Variants in SSU72 observed in about 807,000 individuals in gnomAD.
The protein encoded by SSU72 is RNA polymerase II subunit A C-terminal domain phosphatase SSU72.
A neutral mutation model predicts 22.7 loss-of-function variants in SSU72; 12 were observed. That is an observed-to-expected ratio of 0.53 (90% CI 0.34 to 0.86). SSU72 has a LOEUF of 0.86. Ranked by LOEUF, SSU72 falls within the 40% of genes least tolerant of loss-of-function variation. The pLI is 0.02. For missense variants in SSU72, 151 were observed against 249.8 expected (o/e 0.60, Z 2.67); for synonymous variants, 116 against 98.3 (o/e 1.18, Z -1.06).
At position 1,566,083 on chromosome 1, in the gene SSU72, C is replaced by T. The variant is rs964330157; in HGVS notation, c.81-1167G>A. 2.6e-5 allele frequency among the ~76,000 whole-genome samples: 4 copies of T among 150,964 alleles called. No individual in the cohort carries two copies. In the East Asian group the frequency reaches 8.0e-4, roughly 30 times the overall value. ...ACTAGCCTGGCCAGGAGGCGAAACC[C>T]CAGCTCCGTTTCTACTAAAAAAAAA... On this transcript the variant is annotated intron_variant, in intron 1 of 4. Coordinates refer to ENST00000291386, the MANE Select transcript of SSU72 (RefSeq NM_014188.3).
chr1:1,574,266 C>G (rs1456932364), intron 1 of SSU72, among the ~76,000 whole-genome samples: 1 of 152,026 alleles, frequency 6.6e-6, no homozygotes, highest in African/African-American at 2.4e-5. Context: ...GGACAGCGGG[C>G]GCCTCGTCCC....
intron 1 of SSU72, among the ~76,000 whole-genome samples, chr1:1,570,740 T>C (rs949650197): frequency 1.3e-5 from 2 of 152,250 alleles, no homozygotes; most frequent in Non-Finnish European, 2.9e-5. Context: ...CCCCGATGCA[T>C]GCGTGAACAC....
At chr1:1,544,061 C>T (rs528184515) in intron 3 of SSU72, 74 bp from the exon 4 acceptor site, 21 of 1,164,976 alleles carry the variant, frequency 1.8e-5, no homozygotes, top group South Asian at 1.7e-4. Context: ...GGCTGAGTCC[C>T]CAGCTCTGCC....
At chr1:1,565,862 A>T (rs1460760873) in intron 1 of SSU72, among the ~76,000 whole-genome samples, 1 of 152,232 alleles carries the variant, frequency 6.6e-6, no homozygotes, top group African/African-American at 2.4e-5. Context: ...GGAGAAAGAG[A>T]GGTCGTCTCC....
intron 1 of SSU72, among the ~76,000 whole-genome samples, chr1:1,573,934 A>G (rs1642771511): frequency 6.6e-6 from 1 of 152,068 alleles, no homozygotes; most frequent in Non-Finnish European, 1.5e-5. Flanking sequence ...AGCAGGGAAT[A>G]TAAACTAGCA....
At chr1:1,552,977 C>A (rs1642470628) in intron 2 of SSU72, among the ~76,000 whole-genome samples, 1 of 146,582 alleles carries the variant, frequency 6.8e-6, no homozygotes, top group South Asian at 2.1e-4. Flanking sequence ...GCCGAGATTG[C>A]GCCATTGCAC....
Position 1,554,242 on chromosome 1 carries a change from G to A in SSU72, c.225-9240C>T, listed in dbSNP as rs976608257. ...AAGGGGTCCCCACGAAGCTGAGCATGAGGCGGACCCGGACCACTCGGGGGC... is the reference window on the plus strand; with the variant it reads ...AAGGGGTCCCCACGAAGCTGAGCATAAGGCGGACCCGGACCACTCGGGGGC... On this transcript the variant is annotated intron_variant, in intron 2 of 4. Coordinates refer to ENST00000291386, the MANE Select transcript of SSU72 (RefSeq NM_014188.3). This position sits in a 1 kb window ranked among gnomAD's most constrained non-coding sequence, Gnocchi z 4.1. Among the ~76,000 whole-genome samples, 1 of 145,536 alleles carries A rather than the reference G, an allele frequency of 6.9e-6. No homozygotes were observed. Among genetic ancestry groups the A allele is most frequent in the African/African-American group, 2.5e-5 (1 of 40,734 alleles).
chr1:1,560,024 G>A (rs147212629), intron 2 of SSU72, among the ~76,000 whole-genome samples: 194 of 152,118 alleles, frequency 1.3e-3, no homozygotes, highest in African/African-American at 4.4e-3. Flanking sequence ...CATGCCTAGC[G>A]TTTTGTACTT....
chr1:1,547,333 T>C (rs1280210263), intron 2 of SSU72, among the ~76,000 whole-genome samples: 1 of 152,250 alleles, frequency 6.6e-6, no homozygotes, highest in African/African-American at 2.4e-5. Context: ...CTTTCCTCCT[T>C]TACGTCATTC....
chr1:1,544,875 G>C lies in SSU72; in HGVS notation c.352C>G (p.Gln118Glu). ...ILTCEERVYD[Q>E]VVEDLNSREQ... ...GCCGCCTCCTCACCTTCCACCACCTGGTCATACACTCTCTCTTCGCAAGTG... is the reference window on the plus strand; with the variant it reads ...GCCGCCTCCTCACCTTCCACCACCTCGTCATACACTCTCTCTTCGCAAGTG... The change falls in exon 3 of 5, where the codon CAG becomes GAG. Residue 118 changes from glutamine to glutamate, a missense_variant. Coordinates refer to ENST00000291386, the MANE Select transcript of SSU72 (RefSeq NM_014188.3). 1 of 1,614,160 alleles carries C rather than the reference G, an allele frequency of 6.2e-7. No homozygotes were observed. Among genetic ancestry groups the C allele is most frequent in the Non-Finnish European group, 8.5e-7 (1 of 1,180,036 alleles).
Position 1,565,061 on chromosome 1 carries a change from C to A in SSU72, c.81-145G>T, listed in dbSNP as rs192505380. 3 of 1,210,178 alleles carry A rather than the reference C, an allele frequency of 2.5e-6. No individual in the cohort carries two copies. In the African/African-American group the frequency reaches 4.6e-5, roughly 19 times the overall value. The allele number at this position is 1,210,178 out of a possible 1,614,324, so 75.0% of individuals were successfully genotyped here. ...ATGTCTTCAAATTTTTAATCTAGGC[C>A]GGGCATGGTGGCTCGCGCCTGTAAT... On this transcript the variant is annotated intron_variant, in intron 1 of 4. Coordinates refer to ENST00000291386, the MANE Select transcript of SSU72 (RefSeq NM_014188.3).
intron 2 of SSU72, among the ~76,000 whole-genome samples, chr1:1,551,537 C>G (rs1030586934): frequency 5.0e-5 from 7 of 140,506 alleles, no homozygotes; most frequent in African/African-American, 2.1e-4. Context: ...CCAGCTGCAC[C>G]AAATGCTACC....
At chr1:1,559,560 G>A (rs59514577) in intron 2 of SSU72, among the ~76,000 whole-genome samples, 311 of 152,220 alleles carry the variant, frequency 2.0e-3, no homozygotes, top group African/African-American at 6.9e-3. Context: ...TTAGATCCCC[G>A]TCCCTGGTCC....
chr1:1,560,288 T>A (rs1210561714), intron 2 of SSU72, among the ~76,000 whole-genome samples: 1 of 151,966 alleles, frequency 6.6e-6, no homozygotes, highest in Admixed American at 6.6e-5. Context: ...GCTTCCCGAG[T>A]AGCTGTGCCA....
At chr1:1,544,697 A>T in intron 3 of SSU72, 166 bp downstream of exon 3, 1 of 858,516 alleles carries the variant, frequency 1.2e-6, no homozygotes, top group Non-Finnish European at 1.9e-6. Flanking sequence ...TGGGTGGTTC[A>T]GCGACCAGCG....
At chr1:1,555,765 A>G (rs546345969) in intron 2 of SSU72, among the ~76,000 whole-genome samples, 1 of 152,310 alleles carries the variant, frequency 6.6e-6, no homozygotes, top group African/African-American at 2.4e-5. Flanking sequence ...TGGGAGGCCA[A>G]GGCAGGCAGA....
chr1:1,568,574 C>T (rs186408725), intron 1 of SSU72, among the ~76,000 whole-genome samples: 34 of 151,856 alleles, frequency 2.2e-4, no homozygotes, highest in Admixed American at 1.2e-3. Context: ...CCACTGCACT[C>T]CCGCCTGGGT....
intron 1 of SSU72, among the ~76,000 whole-genome samples, chr1:1,569,402 C>T (rs1310297338): frequency 6.6e-6 from 1 of 152,060 alleles, no homozygotes; most frequent in Non-Finnish European, 1.5e-5. Flanking sequence ...AGATGATCAC[C>T]CCAGAGAACG....
At chr1:1,545,061 C>T in intron 2 of SSU72, 59 bp from the exon 3 acceptor site, 17 of 1,573,920 alleles carry the variant, frequency 1.1e-5, no homozygotes, top group Non-Finnish European at 1.5e-5. Flanking sequence ...AGCCTGGAAG[C>T]GCCTGTGTCC....
Sources: allele counts gnomAD v4.1 joint callset (sites outside exome capture counted in the v4.1 genomes callset), GRCh38; gene constraint gnomAD v4.1.1; non-coding constraint Gnocchi (gnomAD v3.1); transcripts MANE v1.5; gene names NCBI Gene and HGNC (gene_info 2026-07-23, HGNC 2026-07-21).